ARHGAP24: variants seen among roughly 807,000 people sequenced by gnomAD.
ARHGAP24 encodes the protein rho GTPase-activating protein 24.
ARHGAP24 carries 50 observed loss-of-function variants against 76.4 expected under a neutral mutation model. The ratio of observed to expected loss-of-function variants is 0.65; its 90% CI spans 0.52 to 0.83. The LOEUF (loss-of-function observed/expected upper bound fraction) is 0.83. Ranked by LOEUF, ARHGAP24 falls within the 40% of genes least tolerant of loss-of-function variation. The pLI, the probability that ARHGAP24 is intolerant of heterozygous loss-of-function variation, is 0.00. For missense variants in ARHGAP24, 930 were observed against 914.2 expected, an observed-to-expected ratio of 1.02 and a Z score of -0.22; for synonymous variants, 345 against 323.3, an observed-to-expected ratio of 1.07 and a Z score of -0.72.
intron 6 of ARHGAP24, among the ~76,000 whole-genome samples, chr4:85,972,561 G>A (rs955257896): frequency 4.6e-5 from 7 of 152,024 alleles, no homozygotes; most frequent in Non-Finnish European, 1.0e-4. Flanking sequence ...TCTTTAAACA[G>A]CTTTGTTAAG....
At chr4:85,934,281 A>G (rs1736508416) in intron 4 of ARHGAP24, among the ~76,000 whole-genome samples, 1 of 152,208 alleles carries the variant, frequency 6.6e-6, no homozygotes, top group South Asian at 2.1e-4. Flanking sequence ...TCCCTGGAGT[A>G]TAAGCCCCCT....
At chr4:85,963,568 G>A (rs1412085540) in intron 5 of ARHGAP24, among the ~76,000 whole-genome samples, 1 of 151,992 alleles carries the variant, frequency 6.6e-6, no homozygotes, top group Non-Finnish European at 1.5e-5. Flanking sequence ...TAAGTGTCTC[G>A]ATCCTGCTAA....
chr4:85,754,470 A>C (rs930531905), intron 3 of ARHGAP24, among the ~76,000 whole-genome samples: 2 of 152,200 alleles, frequency 1.3e-5, no homozygotes, highest in Non-Finnish European at 2.9e-5. Flanking sequence ...TTTCTCATGC[A>C]TTGTCCTTAT....
intron 1 of ARHGAP24, among the ~76,000 whole-genome samples, chr4:85,526,397 C>CAA (rs397945077): frequency 2.1e-3 from 161 of 76,980 alleles, no homozygotes; most frequent in African/African-American, 6.8e-3. Context: ...AAGACCCTGT[C>CAA]AAAAAAAAAA....
chr4:85,702,290 C>A (rs1282063269), intron 2 of ARHGAP24, among the ~76,000 whole-genome samples: 1 of 152,038 alleles, frequency 6.6e-6, no homozygotes, highest in African/African-American at 2.4e-5. Flanking sequence ...AACAAGTTTT[C>A]AAAAAATCTC....
intron 3 of ARHGAP24, among the ~76,000 whole-genome samples, chr4:85,758,019 A>T (rs1011088711): frequency 6.6e-6 from 1 of 152,062 alleles, no homozygotes; most frequent in South Asian, 2.1e-4. Flanking sequence ...CCAATTCTTT[A>T]GGAACTTTCT....
At chr4:85,884,778 A>G (rs997242985) in intron 3 of ARHGAP24, among the ~76,000 whole-genome samples, 6 of 152,138 alleles carry the variant, frequency 3.9e-5, no homozygotes, top group Admixed American at 3.3e-4. Context: ...TTGATAAAGA[A>G]ATCTTGGGGT....
At chr4:85,853,704 A>G (rs1731377740) in intron 3 of ARHGAP24, among the ~76,000 whole-genome samples, 1 of 152,132 alleles carries the variant, frequency 6.6e-6, no homozygotes, top group South Asian at 2.1e-4. Context: ...AGGTGGGCGG[A>G]TCACAAGCTC....
chr4:85,971,078 C>A (rs936213400), intron 5 of ARHGAP24, among the ~76,000 whole-genome samples: 1 of 152,118 alleles, frequency 6.6e-6, no homozygotes, highest in African/African-American at 2.4e-5. Context: ...TATAGCATTT[C>A]TCTTCTTTTC....
chr4:85,564,386 C>T (rs559105638), intron 1 of ARHGAP24, among the ~76,000 whole-genome samples: 3 of 145,528 alleles, frequency 2.1e-5, no homozygotes, highest in Non-Finnish European at 4.4e-5. Flanking sequence ...CACACCGGGG[C>T]CTGTTGTGGG....
At chr4:85,544,543 T>A (rs1006956762) in intron 1 of ARHGAP24, among the ~76,000 whole-genome samples, 1 of 152,156 alleles carries the variant, frequency 6.6e-6, no homozygotes, top group African/African-American at 2.4e-5. Flanking sequence ...CTCAGATACT[T>A]GCTGGGTTTA....
intron 3 of ARHGAP24, among the ~76,000 whole-genome samples, chr4:85,882,513 CA>C (rs1311513761): frequency 6.6e-6 from 1 of 152,088 alleles, no homozygotes; most frequent in East Asian, 1.9e-4. Flanking sequence ...GGAACTTGGC[CA>C]GTTCATTAAA....
In ARHGAP24 at chr4:85,874,799, AT is replaced by A. The variant is rs1487873197; in HGVS notation, c.269-48848del. 0.02 allele frequency among the ~76,000 whole-genome samples: 505 copies of A among 24,680 alleles called. 22 individuals carry two copies. The East Asian group carries it at 0.27, about 13-fold the overall frequency. The allele number at this position is 24,680 out of a possible 152,430, so 16.2% of individuals were successfully genotyped here. ...TAAAATATATTTATATATAATTTAT[AT>A]ATAAAATATATTTATATATAATTTA... On this transcript the variant is annotated intron_variant, in intron 3 of 9. Transcript: ENST00000395184.
intron 3 of ARHGAP24, among the ~76,000 whole-genome samples, chr4:85,836,313 G>T (rs1578277864): frequency 6.6e-6 from 1 of 152,258 alleles, no homozygotes; most frequent in East Asian, 1.9e-4. Context: ...CAAATGGGTG[G>T]TTTAAACAAC....
chr4:85,793,300 G>A (rs1022491310), intron 3 of ARHGAP24, among the ~76,000 whole-genome samples: 2 of 152,124 alleles, frequency 1.3e-5, no homozygotes, highest in African/African-American at 2.4e-5. Flanking sequence ...AAGCTTTTGT[G>A]ATAAAGAATC....
chr4:85,683,614 T>C (rs755615165), intron 2 of ARHGAP24, among the ~76,000 whole-genome samples: 1 of 152,188 alleles, frequency 6.6e-6, no homozygotes. Flanking sequence ...TTATGTATTT[T>C]ATTGTGATAA....
At chr4:85,521,408 AG>A (rs2110111232) in intron 1 of ARHGAP24, among the ~76,000 whole-genome samples, 1 of 152,318 alleles carries the variant, frequency 6.6e-6, no homozygotes, top group African/African-American at 2.4e-5. Context: ...CACTTGAAAA[AG>A]TAATATATAT....
intron 2 of ARHGAP24, among the ~76,000 whole-genome samples, chr4:85,662,195 T>G (rs1722416926): frequency 6.6e-6 from 1 of 152,198 alleles, no homozygotes; most frequent in Admixed American, 6.5e-5. Context: ...CCTGACTTTC[T>G]AATGATTGCC....
chr4:85,479,747 A>G (rs973500232), intron 1 of ARHGAP24, among the ~76,000 whole-genome samples: 2 of 152,176 alleles, frequency 1.3e-5, no homozygotes, highest in African/African-American at 4.8e-5. Flanking sequence ...GTCTGCAGTT[A>G]TTTTTGCTAA....
Sources: gnomAD v4.1 joint callset for allele counts (sites outside exome capture counted in the v4.1 genomes callset) on GRCh38, gnomAD v4.1.1 for gene constraint, MANE v1.5 for transcripts, NCBI Gene and HGNC (gene_info 2026-07-23, HGNC 2026-07-21) for gene names.